The following WDR72 variants were observed in gnomAD, a reference collection of about 807,000 sequenced individuals.
The protein encoded by WDR72 is WD repeat domain 72.
Under a neutral mutation model 124.2 loss-of-function variants are expected in WDR72, and 120 were observed. The ratio of observed to expected loss-of-function variants is 0.97; its 90% CI spans 0.83 to 1.12. The LOEUF (loss-of-function observed/expected upper bound fraction) is 1.12. Among genes scored for constraint, WDR72 ranks in the 50% most tolerant of loss-of-function variants. The pLI, the probability that WDR72 is intolerant of heterozygous loss-of-function variation, is 0.00. For missense variants in WDR72, 1,387 were observed against 1,278.8 expected, an observed-to-expected ratio of 1.08 and a Z score of -1.29; for synonymous variants, 452 against 441.7, an observed-to-expected ratio of 1.02 and a Z score of -0.29.
At chr15:53,692,855 G>C (rs534367059) in intron 13 of WDR72, among the ~76,000 whole-genome samples, 37 of 152,218 alleles carry the variant, frequency 2.4e-4, no homozygotes, top group African/African-American at 8.2e-4. Context: ...TAATAAGAAA[G>C]AGGTCTGGAA....
chr15:53,540,292 G>T (rs1266519718), intron 18 of WDR72, among the ~76,000 whole-genome samples: 9 of 152,104 alleles, frequency 5.9e-5, no homozygotes, highest in Admixed American at 5.9e-4. Flanking sequence ...GCCAATAGTA[G>T]ACAGTACACC....
chr15:53,651,540 A>G (rs914238981), intron 14 of WDR72, among the ~76,000 whole-genome samples: 24 of 152,258 alleles, frequency 1.6e-4, no homozygotes, highest in Non-Finnish European at 2.6e-4. Flanking sequence ...CAAAACTTAC[A>G]TAACATGCAG....
At chr15:53,602,939 CTATTTCAAAAAATAGA>C (rs1239708891) in intron 17 of WDR72, among the ~76,000 whole-genome samples, 2 of 152,176 alleles carry the variant, frequency 1.3e-5, no homozygotes, top group East Asian at 3.9e-4. Flanking sequence ...CCACCTGAAA[CTATTTCAAAAAATAGA>C]AAAGGAAAGG....
chr15:53,665,757 T>C lies in WDR72; in HGVS notation c.1777A>G (p.Arg593Gly), dbSNP rs1376457227. Residue 593 changes from arginine to glycine, a missense_variant, in exon 14 of 20, where the codon AGA becomes GGA. Coordinates refer to ENST00000360509, the MANE Select transcript of WDR72 (RefSeq NM_182758.4). ...CGTGCTCTTTCTCCTGTCTCATGTC[T>C]TTCCAAAGTGCCTGGAAAACAAGAT... Reference protein sequence around the residue: ...IWEIETGTLERHETGERARII... With the variant: ...IWEIETGTLEGHETGERARII... 1.2e-6 allele frequency: 2 copies of C among 1,613,712 alleles called. No homozygotes were observed. Among genetic ancestry groups the C allele is most frequent in the East Asian group, 4.5e-5 (2 of 44,862 alleles).
chr15:53,704,361 T>C (rs2140528396), intron 11 of WDR72, among the ~76,000 whole-genome samples: 1 of 152,296 alleles, frequency 6.6e-6, no homozygotes, highest in Middle Eastern at 3.4e-3. Context: ...AAAGACTGTA[T>C]GTTGTTATGC....
chr15:53,670,146 A>C (rs1168357169), intron 13 of WDR72, among the ~76,000 whole-genome samples: 1 of 152,086 alleles, frequency 6.6e-6, no homozygotes, highest in Non-Finnish European at 1.5e-5. Flanking sequence ...TTTCCAGTAA[A>C]TATTTTGTAT....
chr15:53,615,249 T>G (rs921642539), intron 15 of WDR72, among the ~76,000 whole-genome samples, 177 bp downstream of exon 15: 3 of 152,068 alleles, frequency 2.0e-5, no homozygotes, highest in Admixed American at 6.6e-5. Context: ...AATTATACTC[T>G]AATCCCAAAC....
At chr15:53,647,359 A>G (rs912838069) in intron 14 of WDR72, among the ~76,000 whole-genome samples, 2 of 152,104 alleles carry the variant, frequency 1.3e-5, no homozygotes, top group Admixed American at 6.6e-5. Context: ...AATAAACAAT[A>G]CTAATACTGT....
chr15:53,630,865 TAAGA>T (rs919557567), intron 14 of WDR72, among the ~76,000 whole-genome samples: 2 of 152,016 alleles, frequency 1.3e-5, no homozygotes, highest in African/African-American at 4.8e-5. Context: ...ACGGGGTGAT[TAAGA>T]AAGAAAAATA....
At chr15:53,703,215 G>A (rs528609175) in intron 11 of WDR72, among the ~76,000 whole-genome samples, 11 of 152,178 alleles carry the variant, frequency 7.2e-5, no homozygotes, top group South Asian at 2.1e-4. Flanking sequence ...CGCCCAGCCC[G>A]TCATTCTTTA....
intron 13 of WDR72, among the ~76,000 whole-genome samples, chr15:53,685,249 G>T (rs1295495328): frequency 9.0e-5 from 13 of 144,686 alleles, no homozygotes; most frequent in African/African-American, 2.6e-4. Flanking sequence ...GGCTTCAGAC[G>T]ATCAAATTAC....
At chr15:53,551,309 A>G (rs532250205) in intron 18 of WDR72, among the ~76,000 whole-genome samples, 1 of 152,242 alleles carries the variant, frequency 6.6e-6, no homozygotes, top group East Asian at 1.9e-4. Flanking sequence ...TTGTATCCTA[A>G]ATGCAATGAG....
intron 14 of WDR72, among the ~76,000 whole-genome samples, chr15:53,657,926 A>G (rs1313723113): frequency 2.0e-5 from 3 of 152,224 alleles, no homozygotes; most frequent in Non-Finnish European, 4.4e-5. Context: ...CCATAAATTC[A>G]ATAAATGCAG....
At chr15:53,555,018 G>A (rs1197361108) in intron 18 of WDR72, among the ~76,000 whole-genome samples, 1 of 152,062 alleles carries the variant, frequency 6.6e-6, no homozygotes, top group Non-Finnish European at 1.5e-5. Flanking sequence ...GCTGGTGTTA[G>A]CTGGCTCCAT....
At position 53,712,806 on chromosome 15, in the gene WDR72, C is replaced by T; in HGVS notation, c.677G>A (p.Arg226Lys). The part of the protein sequence containing the change: ...QTIRFCTYTE[R>K]LLLVVFSKCW... ...TTTAGAAAATACCACCAATAGAAGT[C>T]TCTCAGTATATGTGCAAAATCGAAT... The change falls in exon 7 of 20, where the codon AGA (arginine) becomes AAA (lysine). Residue 226 changes from arginine (R) to lysine (K), a missense_variant. Coordinates refer to ENST00000360509, the MANE Select transcript of WDR72 (RefSeq NM_182758.4). The T allele has an allele frequency of 6.2e-7, 1 of 1,613,424 alleles. No individual in the cohort carries two copies. The highest frequency in any genetic ancestry group is 1.1e-5 in the South Asian group (1 of 91,024).
intron 1 of WDR72, among the ~76,000 whole-genome samples, chr15:53,734,812 A>C (rs1385000080): frequency 9.2e-6 from 1 of 108,882 alleles, no homozygotes; most frequent in Non-Finnish European, 2.2e-5. Flanking sequence ...TGGGACTAAA[A>C]AAAAAAAATA....
At chr15:53,676,349 G>T (rs2016171346) in intron 13 of WDR72, among the ~76,000 whole-genome samples, 1 of 152,224 alleles carries the variant, frequency 6.6e-6, no homozygotes, top group Non-Finnish European at 1.5e-5. Flanking sequence ...TTTCTACTCA[G>T]TTGTCCTTAT....
chr15:53,684,911 C>T (rs148098442), intron 13 of WDR72, among the ~76,000 whole-genome samples: 4,341 of 152,264 alleles, frequency 0.029, 107 homozygotes, highest in East Asian at 0.069. Context: ...CCCCTGACCC[C>T]GAGCAGCCTA....
chr15:53,743,264 T>C (rs1210886259), intron 1 of WDR72, among the ~76,000 whole-genome samples: 1 of 152,050 alleles, frequency 6.6e-6, no homozygotes, highest in African/African-American at 2.4e-5. Flanking sequence ...CTGATTTTTA[T>C]AGAGTTTAAT....
Sources: gnomAD v4.1 joint callset for allele counts (sites outside exome capture counted in the v4.1 genomes callset) on GRCh38, gnomAD v4.1.1 for gene constraint, MANE v1.5 for transcripts, NCBI Gene and HGNC (gene_info 2026-07-23, HGNC 2026-07-21) for gene names.